The following LSAMP variants were observed in gnomAD, a reference collection of about 807,000 sequenced individuals.
The protein encoded by LSAMP is limbic system associated membrane protein, also known as limbic system-associated membrane protein.
A neutral mutation model predicts 38.6 loss-of-function variants in LSAMP; 7 were observed. That is an observed-to-expected ratio of 0.18 (90% CI 0.10 to 0.34). The LOEUF (loss-of-function observed/expected upper bound fraction) is 0.34, where lower values mean the gene tolerates loss of function less well. LSAMP is among the 10% of genes least tolerant of loss of function. LSAMP has a pLI of 1.00. For synonymous variants in LSAMP, 154 were observed against 166.8 expected, an observed-to-expected ratio of 0.92 and a Z score of 0.59; for missense variants, 313 against 420.0, an observed-to-expected ratio of 0.75 and a Z score of 2.23.
chr3:116,312,100 G>T (rs2047565199), intron 1 of LSAMP, among the ~76,000 whole-genome samples: 1 of 152,070 alleles, frequency 6.6e-6, no homozygotes, highest in Non-Finnish European at 1.5e-5. Flanking sequence ...TTATCAAAAA[G>T]CTAGAAAAAG....
chr3:116,006,452 T>A (rs1254076297), intron 3 of LSAMP, among the ~76,000 whole-genome samples: 2 of 152,214 alleles, frequency 1.3e-5, no homozygotes, highest in Non-Finnish European at 2.9e-5. Flanking sequence ...AGCCCACAGC[T>A]GATGGATACA....
At chr3:115,929,747 G>A (rs1937550679) in intron 3 of LSAMP, among the ~76,000 whole-genome samples, 1 of 151,938 alleles carries the variant, frequency 6.6e-6, no homozygotes, top group Non-Finnish European at 1.5e-5. Flanking sequence ...AGCCCCTCCT[G>A]AGATTCACAG....
chr3:116,297,140 C>A lies in LSAMP; in HGVS notation c.155+147737G>T, dbSNP rs546887354. Among the ~76,000 whole-genome samples the A allele has an allele frequency of 2.0e-5, 3 of 152,124 alleles. No individual in the cohort carries two copies. In the South Asian group the frequency reaches 6.2e-4, roughly 32 times the overall value. On this transcript the variant is annotated intron_variant, in intron 1 of 6. Coordinates refer to ENST00000490035, the MANE Select transcript of LSAMP (RefSeq NM_002338.5). ...TGTTGTGACTAGGTTTCTTGTGGAT[C>A]CCAGTGAAGGGAATGAATCCTGTAT...
At chr3:115,817,224 A>G (rs1383249126) in intron 6 of LSAMP, among the ~76,000 whole-genome samples, 1 of 152,254 alleles carries the variant, frequency 6.6e-6, no homozygotes, top group Non-Finnish European at 1.5e-5. Context: ...CTTGTTAAAA[A>G]TAGCATCTTC....
chr3:116,168,227 A>T (rs1339769644), intron 1 of LSAMP, among the ~76,000 whole-genome samples: 1 of 151,742 alleles, frequency 6.6e-6, no homozygotes, highest in East Asian at 1.9e-4. Context: ...TATTATTATT[A>T]TTTTTTTTTT....
chr3:116,301,586 T>C (rs1468048136), intron 1 of LSAMP, among the ~76,000 whole-genome samples: 2 of 151,720 alleles, frequency 1.3e-5, no homozygotes, highest in African/African-American at 4.8e-5. Context: ...CTGAAGGGAG[T>C]AGGAGATATT....
chr3:116,069,022 T>G (rs1707531412), intron 2 of LSAMP, among the ~76,000 whole-genome samples: 1 of 152,232 alleles, frequency 6.6e-6, no homozygotes, highest in Non-Finnish European at 1.5e-5. Flanking sequence ...TAAACTATGC[T>G]TGGTGATATG....
At chr3:116,354,406 CT>C (rs1452451185) in intron 1 of LSAMP, among the ~76,000 whole-genome samples, 1 of 152,212 alleles carries the variant, frequency 6.6e-6, no homozygotes, top group African/African-American at 2.4e-5. Flanking sequence ...TCAGCCTTCA[CT>C]GTCTCTACTG....
intron 6 of LSAMP, among the ~76,000 whole-genome samples, chr3:115,832,052 C>G (rs1934628923): frequency 6.6e-6 from 1 of 152,092 alleles, no homozygotes; most frequent in African/African-American, 2.4e-5. Flanking sequence ...TGTTTAATCA[C>G]AGCTTGAAGG....
chr3:115,997,879 CATT>C (rs1939870865), intron 3 of LSAMP, among the ~76,000 whole-genome samples: 2 of 143,268 alleles, frequency 1.4e-5, no homozygotes, highest in African/African-American at 2.6e-5. Flanking sequence ...ATACAATATA[CATT>C]ATTATATATT....
chr3:115,875,398 T>C (rs1424738279), intron 3 of LSAMP, among the ~76,000 whole-genome samples: 1 of 152,088 alleles, frequency 6.6e-6, no homozygotes, highest in Non-Finnish European at 1.5e-5. Context: ...TTTTAACGAA[T>C]GTGATGGGTT....
chr3:115,956,728 A>G (rs911443219), intron 3 of LSAMP, among the ~76,000 whole-genome samples: 3 of 152,244 alleles, frequency 2.0e-5, no homozygotes, highest in Non-Finnish European at 2.9e-5. Flanking sequence ...TTAAAATTTT[A>G]TAATTCTTTA....
intron 1 of LSAMP, among the ~76,000 whole-genome samples, chr3:116,336,100 A>G (rs1414454562): frequency 3.3e-5 from 5 of 151,986 alleles, no homozygotes; most frequent in Admixed American, 1.3e-4. Flanking sequence ...AATATCATAT[A>G]AAAATTAACT....
intron 3 of LSAMP, among the ~76,000 whole-genome samples, chr3:115,987,982 T>C (rs1283525211): frequency 6.6e-6 from 1 of 152,118 alleles, no homozygotes; most frequent in Non-Finnish European, 1.5e-5. Context: ...TGTAGGTGAT[T>C]TATATAAAGC....
chr3:116,316,243 G>C (rs899521365), intron 1 of LSAMP, among the ~76,000 whole-genome samples: 1 of 152,182 alleles, frequency 6.6e-6, no homozygotes, highest in African/African-American at 2.4e-5. Flanking sequence ...ATACTGAATT[G>C]AAACTACTAA....
At chr3:116,326,028 T>C (rs749305258) in intron 1 of LSAMP, among the ~76,000 whole-genome samples, 20 of 152,166 alleles carry the variant, frequency 1.3e-4, no homozygotes, top group Non-Finnish European at 2.5e-4. Flanking sequence ...GAGTGGGGGA[T>C]TTTATTCTAC....
intron 1 of LSAMP, among the ~76,000 whole-genome samples, chr3:116,145,489 T>C (rs1709470179): frequency 6.6e-6 from 1 of 152,000 alleles, no homozygotes; most frequent in Admixed American, 6.6e-5. Context: ...CAGAATTCCT[T>C]CTTTGGAGGA....
chr3:115,949,356 T>C lies in LSAMP; in HGVS notation c.514+70159A>G, dbSNP rs557994152. On this transcript the variant is annotated intron_variant, in intron 3 of 6. Transcript: ENST00000490035. ...TTCTTTTCTTGGTTAATCTCACTAA[T>C]GGTCTATCAATTTTGTTTATCTCTT... Among the ~76,000 whole-genome samples the C allele has an allele frequency of 3.3e-5, 5 of 152,254 alleles. No homozygotes were observed. The South Asian group carries it at 8.3e-4, about 25-fold the overall frequency.
chr3:116,297,392 T>C (rs1170090906), intron 1 of LSAMP, among the ~76,000 whole-genome samples: 3 of 152,188 alleles, frequency 2.0e-5, no homozygotes, highest in Non-Finnish European at 4.4e-5. Context: ...ACATCAGAGG[T>C]ATGACATCAC....
Sources: gnomAD v4.1 joint callset for allele counts (sites outside exome capture counted in the v4.1 genomes callset) on GRCh38, gnomAD v4.1.1 for gene constraint, MANE v1.5 for transcripts, NCBI Gene and HGNC (gene_info 2026-07-23, HGNC 2026-07-21) for gene names.